HEG1: variants seen among roughly 807,000 people sequenced by gnomAD.
The protein encoded by HEG1 is protein HEG homolog 1.
HEG1 carries 56 observed loss-of-function variants against 125.6 expected under a neutral mutation model. The observed-to-expected ratio is 0.45, with a 90% CI of 0.36 to 0.56. The LOEUF is 0.56. Among genes scored for constraint, HEG1 ranks in the 20% least tolerant of loss-of-function variants. The probability of loss-of-function intolerance (pLI) is 0.00; values close to 1 mark genes in which losing one functional copy is unlikely to be tolerated. For synonymous variants in HEG1, 644 were observed against 668.5 expected (o/e 0.96, Z 0.57); for missense variants, 1,523 against 1,670.0 (o/e 0.91, Z 1.53).
At position 124,966,781 on chromosome 3, in the gene HEG1, C is replaced by T. The variant is rs1395878648; in HGVS notation, c.*3871G>A. The stretch of plus-strand genomic sequence containing the variant: ...ACTGGAGTGGACAGCTCCTCTTCCT[C>T]AGGCAGAGTTAAATCGGCTTACAGG... On this transcript the variant is annotated 3_prime_UTR_variant, in exon 17 of 17. Coordinates refer to ENST00000311127, the MANE Select transcript of HEG1 (RefSeq NM_020733.2). 2 of 152,242 alleles carry T rather than the reference C, an allele frequency of 1.3e-5. No homozygotes were observed. Among genetic ancestry groups the T allele is most frequent in the African/African-American group, 2.4e-5 (1 of 41,458 alleles). 9.4% of individuals were successfully genotyped at this position (152,242 alleles called of 1,614,324 possible).
chr3:124,984,058 T>C (rs372243917), intron 14 of HEG1, among the ~76,000 whole-genome samples: 154 of 152,342 alleles, frequency 1.0e-3, no homozygotes, highest in African/African-American at 3.7e-3. Flanking sequence ...CAGATGTTTG[T>C]TCTGAGTGAC....
At chr3:125,034,172 A>C (rs568350925) in intron 1 of HEG1, among the ~76,000 whole-genome samples, 1 of 152,380 alleles carries the variant, frequency 6.6e-6, no homozygotes, top group South Asian at 2.1e-4. Flanking sequence ...ACATATCTTC[A>C]AACCAGTTTT....
At chr3:125,028,506 C>A (rs1937450016) in intron 2 of HEG1, among the ~76,000 whole-genome samples, 1 of 152,216 alleles carries the variant, frequency 6.6e-6, no homozygotes. Context: ...GCATTCCACA[C>A]CTCAGCACCC....
At chr3:124,990,402 G>C (rs1436794089) in intron 14 of HEG1, among the ~76,000 whole-genome samples, 1 of 151,238 alleles carries the variant, frequency 6.6e-6, no homozygotes, top group East Asian at 1.9e-4. Context: ...GCAGTGGCGT[G>C]ATCTTGGCTC....
At chr3:124,974,606 C>T (rs1035115627) in intron 15 of HEG1, among the ~76,000 whole-genome samples, 3 of 152,208 alleles carry the variant, frequency 2.0e-5, no homozygotes, top group Non-Finnish European at 4.4e-5. Flanking sequence ...CAGCAGGTTA[C>T]AGAAATGCTA....
At position 125,050,992 on chromosome 3, in the gene HEG1, G is replaced by T. The variant is rs540438683; in HGVS notation, c.316+4583C>A. On this transcript the variant is annotated intron_variant, in intron 1 of 16. Coordinates refer to ENST00000311127, the MANE Select transcript of HEG1 (RefSeq NM_020733.2). ...TTTAACCTCGCCTCCTACTGGGCAG[G>T]TATTCATAACAACTGCCTCACAATG... 2.0e-5 allele frequency among the ~76,000 whole-genome samples: 3 copies of T among 152,318 alleles called. No homozygotes were observed. In the East Asian group the frequency reaches 5.8e-4, roughly 29 times the overall value.
chr3:124,974,859 C>CCT (rs1327325023), intron 15 of HEG1, among the ~76,000 whole-genome samples: 1 of 152,184 alleles, frequency 6.6e-6, no homozygotes, highest in Non-Finnish European at 1.5e-5. Context: ...TGGGAACAGA[C>CCT]CTGCCACTGT....
intron 16 of HEG1, chr3:124,971,915 A>G (rs1936431668): frequency 6.6e-6 from 1 of 151,066 alleles, no homozygotes; most frequent in African/African-American, 2.4e-5. Context: ...TAGCCTCCTG[A>G]GTAGCTGGAT....
Position 125,027,278 on chromosome 3 carries a change from G to A in HEG1, c.840C>T (p.Ser280=). 1 of 1,613,464 alleles carries A rather than the reference G, an allele frequency of 6.2e-7. No homozygotes were observed. The highest frequency in any genetic ancestry group is 1.1e-5 in the South Asian group (1 of 90,842). ...GCAGCCAGGAGAGATCTGGTCCTGA[G>A]GAATTTCTCTTCCTAGAAGGCGTGG... ...ELTTPSRKRN[S]SGPDLSWLHF... is the part of the protein sequence containing the mutation. Residue 280 remains serine (S), a synonymous_variant, in exon 3 of 17, where the codon TCC becomes TCT. Transcript: ENST00000311127.
At position 125,012,996 on chromosome 3, in the gene HEG1, T is replaced by G. The variant is rs1937179964; in HGVS notation, c.2583A>C (p.Ser861=). The change falls in exon 6 of 17, where the codon TCA becomes TCC. Residue 861 remains serine (S), a synonymous_variant. Transcript: ENST00000311127. ...GGCCAGTGACCAGAGATGCTGTGCT[T>G]GACAGGGTGCCAGGAGTGGTCATAA... ...QPLMTTPGTL[S]STASLVTGPI... is the part of the protein sequence containing the mutation. The G allele has an allele frequency of 6.2e-7, 1 of 1,614,046 alleles. No individual in the cohort carries two copies. The highest frequency in any genetic ancestry group is 8.5e-7 in the Non-Finnish European group (1 of 1,179,904).
chr3:125,026,042 T>C (rs1937409218), intron 3 of HEG1, among the ~76,000 whole-genome samples: 1 of 152,214 alleles, frequency 6.6e-6, no homozygotes, highest in Non-Finnish European at 1.5e-5. Context: ...AATTTTGCAA[T>C]GGCAATTTTG....
chr3:124,974,752 A>C (rs1190189460), intron 15 of HEG1, among the ~76,000 whole-genome samples: 1 of 152,154 alleles, frequency 6.6e-6, no homozygotes, highest in African/African-American at 2.4e-5. Context: ...ACCTCACTTA[A>C]AGTACAAATA....
Position 125,013,899 on chromosome 3 carries a change from A to G in HEG1, c.1680T>C (p.Thr560=). The G allele has an allele frequency of 6.2e-7, 1 of 1,613,806 alleles. No homozygotes were observed. The highest frequency in any genetic ancestry group is 2.2e-5 in the East Asian group (1 of 44,868). Residue 560 remains threonine (T), a synonymous_variant, in exon 6 of 17, where the codon ACT becomes ACC. Transcript: ENST00000311127. Reference sequence around the variant, plus strand: ...GTAACGCCCGTTCTCCTTTGGTGAAAGTAGATGACAGGTAGGTGTGGTCTG... The same window carrying G: ...GTAACGCCCGTTCTCCTTTGGTGAAGGTAGATGACAGGTAGGTGTGGTCTG... ...DHTDHTYLSS[T]FTKGERALLS...
chr3:125,002,882 C>T (rs1421633927), intron 9 of HEG1, among the ~76,000 whole-genome samples: 4 of 152,180 alleles, frequency 2.6e-5, no homozygotes, highest in Non-Finnish European at 4.4e-5. Context: ...CCCTTGGAGA[C>T]GGCAGAAAAT....
intron 15 of HEG1, 127 bp from the exon 16 acceptor site, chr3:124,974,032 C>T (rs1936492559): frequency 1.5e-5 from 10 of 645,260 alleles, no homozygotes; most frequent in South Asian, 1.5e-4. Flanking sequence ...TAGCTGCCCA[C>T]TGAGTAGTAT....
intron 16 of HEG1, 80 bp downstream of exon 16, chr3:124,973,651 T>C: frequency 8.6e-7 from 1 of 1,166,980 alleles, no homozygotes; most frequent in Non-Finnish European, 1.2e-6. Flanking sequence ...CTGTAATGCT[T>C]TTACTACAAC....
chr3:124,987,952 C>CACACACACACACACATATATATATAT, intron 14 of HEG1, among the ~76,000 whole-genome samples: 17 of 54,684 alleles, frequency 3.1e-4, no homozygotes, highest in South Asian at 9.8e-4. Context: ...CACACACACA[C>CACACACACACACACATATATATATAT]ATATATATAT....
intron 11 of HEG1, among the ~76,000 whole-genome samples, chr3:124,998,369 G>A (rs576713908): frequency 5.9e-5 from 9 of 152,330 alleles, no homozygotes; most frequent in Non-Finnish European, 8.8e-5. Flanking sequence ...TCCTGACAGC[G>A]TGCTGCCTAC....
chr3:124,995,038 C>A (rs1579405743), intron 12 of HEG1, among the ~76,000 whole-genome samples: 1 of 152,182 alleles, frequency 6.6e-6, no homozygotes, highest in Non-Finnish European at 1.5e-5. Flanking sequence ...GTGGCTCATG[C>A]CTGTAATCCT....
Sources: gnomAD v4.1 joint callset for allele counts (sites outside exome capture counted in the v4.1 genomes callset) on GRCh38, gnomAD v4.1.1 for gene constraint, MANE v1.5 for transcripts, NCBI Gene and HGNC (gene_info 2026-07-23, HGNC 2026-07-21) for gene names.